The following ELMO1 variants were observed in gnomAD, a reference collection of about 807,000 sequenced individuals.
ELMO1 encodes the protein engulfment and cell motility protein 1.
Under a neutral mutation model 98.9 loss-of-function variants are expected in ELMO1, and 26 were observed. That is an observed-to-expected ratio of 0.26 (90% CI 0.19 to 0.36). The LOEUF is 0.36. Ranked by LOEUF, ELMO1 falls within the 10% of genes least tolerant of loss-of-function variation. The pLI, the probability that ELMO1 is intolerant of heterozygous loss-of-function variation, is 1.00. For missense variants in ELMO1, 627 were observed against 935.2 expected (o/e 0.67, Z 4.30); for synonymous variants, 346 against 346.0 (o/e 1.00, Z 0.00).
At chr7:36,887,798 C>G in intron 17 of ELMO1, 126 bp from the exon 18 acceptor site, 1 of 752,540 alleles carries the variant, frequency 1.3e-6, no homozygotes, top group Admixed American at 2.4e-5. Context: ...ATACCTCCAA[C>G]TTGGTGCTTT....
chr7:37,109,156 A>G (rs1482953579), intron 14 of ELMO1, among the ~76,000 whole-genome samples: 1 of 152,138 alleles, frequency 6.6e-6, no homozygotes, highest in Non-Finnish European at 1.5e-5. Context: ...TCTGCATTGA[A>G]GCATGTGCCT....
intron 1 of ELMO1, among the ~76,000 whole-genome samples, chr7:37,393,515 G>C (rs1390413888): frequency 2.6e-5 from 4 of 152,226 alleles, no homozygotes; most frequent in African/African-American, 9.6e-5. Flanking sequence ...AAGCTGTTGT[G>C]TCTCTTCAGT....
intron 1 of ELMO1, among the ~76,000 whole-genome samples, chr7:37,421,436 T>A (rs1352162463): frequency 1.3e-5 from 2 of 152,248 alleles, no homozygotes; most frequent in African/African-American, 4.8e-5. Flanking sequence ...CATTCTGCTC[T>A]ATATCCAACA....
At chr7:37,258,469 T>C (rs976582330) in intron 6 of ELMO1, among the ~76,000 whole-genome samples, 1 of 149,900 alleles carries the variant, frequency 6.7e-6, no homozygotes, top group Admixed American at 6.7e-5. Flanking sequence ...GAGAGAGAGA[T>C]AATGGGTCCG....
intron 18 of ELMO1, among the ~76,000 whole-genome samples, chr7:36,885,999 G>T (rs1219918088): frequency 2.6e-5 from 4 of 152,222 alleles, no homozygotes; most frequent in Non-Finnish European, 5.9e-5. Context: ...CTGGACAGGT[G>T]TAGAGGCAAG....
rs118005625 is a variant in ELMO1 at position 36,992,692 on chromosome 7, A to G, written c.1437+20607T>C. 3.7e-4 allele frequency among the ~76,000 whole-genome samples: 56 copies of G among 152,340 alleles called. No homozygotes were observed. In the East Asian group the frequency reaches 0.011, roughly 29 times the overall value. On this transcript the variant is annotated intron_variant, in intron 16 of 21. Coordinates refer to ENST00000310758, the MANE Select transcript of ELMO1 (RefSeq NM_014800.11). ...CCTCCTTGGTTTTCAGATCTAATGA[A>G]TAAGTAAACCTCTTCCAATTCCAAA...
intron 13 of ELMO1, among the ~76,000 whole-genome samples, chr7:37,205,562 GGCCATTT>G (rs1294357535): frequency 6.6e-6 from 1 of 152,058 alleles, no homozygotes; most frequent in African/African-American, 2.4e-5. Flanking sequence ...TACATTTAAG[GGCCATTT>G]GAAACTGAAA....
intron 15 of ELMO1, among the ~76,000 whole-genome samples, chr7:37,015,930 G>C (rs772807776): frequency 6.6e-6 from 1 of 152,170 alleles, no homozygotes; most frequent in Non-Finnish European, 1.5e-5. Context: ...TTTGACTTGC[G>C]ATACAAAGCT....
intron 4 of ELMO1, among the ~76,000 whole-genome samples, chr7:37,311,327 A>ATT (rs1050530026): frequency 6.8e-6 from 1 of 147,546 alleles, no homozygotes; most frequent in East Asian, 2.0e-4. Flanking sequence ...CAGCTAGAGA[A>ATT]TTTTTTTTTT....
At chr7:36,954,971 C>T (rs1309542189) in intron 16 of ELMO1, among the ~76,000 whole-genome samples, 1 of 152,206 alleles carries the variant, frequency 6.6e-6, no homozygotes, top group Non-Finnish European at 1.5e-5. Context: ...CATCCCACAA[C>T]CCGTGACCCT....
intron 16 of ELMO1, among the ~76,000 whole-genome samples, chr7:36,901,364 G>A (rs187883302): frequency 6.6e-6 from 1 of 152,174 alleles, no homozygotes; most frequent in East Asian, 1.9e-4. Context: ...TTAGACAGGG[G>A]TTAGCAAACT....
chr7:37,033,295 G>C (rs1794981895), intron 15 of ELMO1: 2 of 437,410 alleles, frequency 4.6e-6, no homozygotes, highest in Non-Finnish European at 9.2e-6. Flanking sequence ...TGTGCAGTGA[G>C]CTCTGCCTAT....
At chr7:37,065,140 C>A (rs918981504) in intron 15 of ELMO1, among the ~76,000 whole-genome samples, 11 of 151,942 alleles carry the variant, frequency 7.2e-5, no homozygotes, top group African/African-American at 2.7e-4. Context: ...CCACCCCAAA[C>A]AGCTATTGCC....
intron 15 of ELMO1, among the ~76,000 whole-genome samples, chr7:37,036,658 C>G (rs1019665673): frequency 6.6e-6 from 1 of 152,138 alleles, no homozygotes; most frequent in Non-Finnish European, 1.5e-5. Context: ...GGATTACAGG[C>G]ATGAGCCACC....
intron 16 of ELMO1, among the ~76,000 whole-genome samples, chr7:36,939,718 C>T (rs1035913148): frequency 1.3e-5 from 2 of 152,210 alleles, no homozygotes; most frequent in African/African-American, 4.8e-5. Context: ...GTGCCCCACT[C>T]TCAGAAAGCC....
chr7:36,899,786 T>C (rs367852216), intron 16 of ELMO1, among the ~76,000 whole-genome samples: 1 of 149,232 alleles, frequency 6.7e-6, no homozygotes, highest in African/African-American at 2.4e-5. Flanking sequence ...TGGTACATAC[T>C]GGATATCTGG....
At chr7:36,879,724 C>T (rs1804267736) in intron 18 of ELMO1, among the ~76,000 whole-genome samples, 1 of 152,074 alleles carries the variant, frequency 6.6e-6, no homozygotes, top group Non-Finnish European at 1.5e-5. Context: ...GGAATCTGAA[C>T]TCTAGTGGAA....
chr7:37,235,804 G>A (rs777996294), intron 7 of ELMO1, among the ~76,000 whole-genome samples: 1 of 152,216 alleles, frequency 6.6e-6, no homozygotes, highest in Non-Finnish European at 1.5e-5. Flanking sequence ...ATGGTGGCGG[G>A]CGCCTGTAGT....
intron 13 of ELMO1, among the ~76,000 whole-genome samples, chr7:37,163,556 T>A (rs564977242): frequency 4.0e-5 from 6 of 149,954 alleles, no homozygotes; most frequent in African/African-American, 1.5e-4. Flanking sequence ...ATTGATCTCA[T>A]TGTTCAATTC....
Sources: gnomAD v4.1 joint callset for allele counts (sites outside exome capture counted in the v4.1 genomes callset) on GRCh38, gnomAD v4.1.1 for gene constraint, MANE v1.5 for transcripts, NCBI Gene and HGNC (gene_info 2026-07-23, HGNC 2026-07-21) for gene names.